Variants in GSN observed in about 807,000 individuals in gnomAD.
GSN encodes the protein gelsolin.
Under a neutral mutation model 85.7 loss-of-function variants are expected in GSN, and 56 were observed. That is an observed-to-expected ratio of 0.65 (90% CI 0.53 to 0.82). GSN has a LOEUF of 0.82. GSN is among the 40% of genes least tolerant of loss of function. The pLI, the probability that GSN is intolerant of heterozygous loss-of-function variation, is 0.00. For missense variants in GSN, 857 were observed against 979.8 expected (o/e 0.87, Z 1.67); for synonymous variants, 373 against 399.1 (o/e 0.93, Z 0.78).
At chr9:121,289,044 C>T (rs1352924021) in intron 2 of GSN, among the ~76,000 whole-genome samples, 2 of 152,204 alleles carry the variant, frequency 1.3e-5, no homozygotes, top group Non-Finnish European at 2.9e-5. Flanking sequence ...GGCAACTGGG[C>T]AGGCTCTTGG....
At chr9:121,246,086 A>G (rs2054693403) in intron 5 of GSN, among the ~76,000 whole-genome samples, 1 of 152,256 alleles carries the variant, frequency 6.6e-6, no homozygotes, top group Non-Finnish European at 1.5e-5. Flanking sequence ...AAGAAATAAT[A>G]TATCTAAGAT....
At chr9:121,319,733 A>G (rs1051447619) in intron 10 of GSN, among the ~76,000 whole-genome samples, 1 of 152,196 alleles carries the variant, frequency 6.6e-6, no homozygotes, top group African/African-American at 2.4e-5. Flanking sequence ...AAGAAAACTA[A>G]GAAAATGGAT....
intron 6 of GSN, among the ~76,000 whole-genome samples, chr9:121,256,386 G>A (rs2054960020): frequency 6.6e-6 from 1 of 152,132 alleles, no homozygotes; most frequent in Admixed American, 6.5e-5. Context: ...AGCAACATGG[G>A]TGGAACTGAA....
chr9:121,279,061 C>T (rs534890148), intron 1 of GSN, among the ~76,000 whole-genome samples: 176 of 152,212 alleles, frequency 1.2e-3, no homozygotes, highest in African/African-American at 3.8e-3. Context: ...TACATGGGAG[C>T]AATTGGGGAG....
At chr9:121,272,040 G>A (rs954745371) in intron 1 of GSN, among the ~76,000 whole-genome samples, 4 of 152,288 alleles carry the variant, frequency 2.6e-5, no homozygotes, top group Middle Eastern at 3.4e-3. Flanking sequence ...TGGGGAGGAA[G>A]GGAAAAAAAG....
chr9:121,231,595 C>T (rs935771779), intron 5 of GSN, among the ~76,000 whole-genome samples: 1 of 152,144 alleles, frequency 6.6e-6, no homozygotes, highest in Non-Finnish European at 1.5e-5. Context: ...GGTATCAGAA[C>T]TCCAGCCAAT....
At chr9:121,323,712 C>T (rs1054180056) in intron 11 of GSN, among the ~76,000 whole-genome samples, 1 of 152,142 alleles carries the variant, frequency 6.6e-6, no homozygotes, top group South Asian at 2.1e-4. Context: ...AACCCAGGAT[C>T]CCACATGGCA....
At chr9:121,221,502 CT>C (rs2054169506) in intron 4 of GSN, among the ~76,000 whole-genome samples, 1 of 152,194 alleles carries the variant, frequency 6.6e-6, no homozygotes, top group Admixed American at 6.5e-5. Context: ...CCATGTTTCT[CT>C]GGGACATGTT....
At position 121,261,959 on chromosome 9, in the gene GSN, C is replaced by T. The variant is rs1031986773; in HGVS notation, c.-340-3195C>T. ...CTGAGTACAAAAATAGCACCATCTCCAAGATTTTTTTGGTGTGGGTGTGTT... is the reference window on the plus strand; with the variant it reads ...CTGAGTACAAAAATAGCACCATCTCTAAGATTTTTTTGGTGTGGGTGTGTT... On this transcript the variant is annotated intron_variant, in intron 6 of 24. Transcript: ENST00000373823. The surrounding 1 kb of genome is among the most constrained non-coding windows in gnomAD (Gnocchi z 4.1). 2.6e-5 allele frequency among the ~76,000 whole-genome samples: 4 copies of T among 152,160 alleles called. No individual in the cohort carries two copies. The highest frequency in any genetic ancestry group is 9.7e-5 in the African/African-American group (4 of 41,422).
In GSN at chr9:121,310,783, G is replaced by A. The variant is rs1260779243; in HGVS notation, c.451G>A (p.Glu151Lys). The change falls in exon 5 of 18, where the codon GAG becomes AAG. Residue 151 changes from glutamate (E) to lysine (K), a missense_variant. Transcript: ENST00000432226. Reference protein sequence around the residue: ...VKGRRVVRATEVPVSWESFNN... With the variant: ...VKGRRVVRATKVPVSWESFNN... ...AGGGCGGCGTGTGGTCCGTGCCACC[G>A]AGGTACCTGTGTCCTGGGAGAGCTT... is the stretch of plus-strand genomic sequence containing the variant. 8 of 1,614,128 alleles carry A rather than the reference G, an allele frequency of 5.0e-6. No individual in the cohort carries two copies. The highest frequency in any genetic ancestry group is 5.9e-6 in the Non-Finnish European group (7 of 1,179,994).
At chr9:121,295,804 C>T (rs939935700) in intron 2 of GSN, among the ~76,000 whole-genome samples, 3 of 152,204 alleles carry the variant, frequency 2.0e-5, no homozygotes, top group South Asian at 2.1e-4. Context: ...CAGGAATAGC[C>T]GAGATCAGAG....
chr9:121,318,915 C>T lies in GSN; in HGVS notation c.1191+35C>T. On this transcript the variant is annotated intron_variant, in intron 10 of 17. Coordinates refer to ENST00000432226, the MANE Select transcript of GSN (RefSeq NM_198252.3). The surrounding 1 kb of genome is among the most constrained non-coding windows in gnomAD (Gnocchi z 4.3). ...GGGCGTGGGGTGGGTGTGTCCAGGC[C>T]CCTCCCTCACTTTCCCCATGCACTG... 6.6e-7 allele frequency: 1 copy of T among 1,521,378 alleles called. No homozygotes were observed. Among genetic ancestry groups the T allele is most frequent in the Non-Finnish European group, 9.1e-7 (1 of 1,096,594 alleles). 94.2% of individuals were successfully genotyped at this position (1,521,378 alleles called of 1,614,324 possible). A position where few individuals can be genotyped will look rare whatever the true frequency, so the allele number is the denominator to read the frequency against.
At chr9:121,220,969 T>C (rs2054158735) in intron 4 of GSN, among the ~76,000 whole-genome samples, 1 of 152,238 alleles carries the variant, frequency 6.6e-6, no homozygotes, top group African/African-American at 2.4e-5. Flanking sequence ...GTGATTCGTT[T>C]GTTGAAATGT....
chr9:121,266,821 G>T (rs1464899950), upstream of GSN, among the ~76,000 whole-genome samples: 1 of 152,176 alleles, frequency 6.6e-6, no homozygotes, highest in African/African-American at 2.4e-5. Flanking sequence ...TCAAGAAATG[G>T]TTCTTGTATT....
At chr9:121,255,904 A>G (rs534661652) in intron 6 of GSN, among the ~76,000 whole-genome samples, 1 of 152,278 alleles carries the variant, frequency 6.6e-6, no homozygotes, top group African/African-American at 2.4e-5. Context: ...TCTTGCATCA[A>G]TTTACACTCT....
chr9:121,310,578 TG>T, intron 4 of GSN, 105 bp from the exon 5 acceptor site: 1 of 1,032,976 alleles, frequency 9.7e-7, no homozygotes, highest in Non-Finnish European at 1.5e-6. Flanking sequence ...GGAAAGCCCC[TG>T]GTCCACAAGC....
At chr9:121,219,816 A>G (rs945141600) in intron 4 of GSN, among the ~76,000 whole-genome samples, 1 of 152,046 alleles carries the variant, frequency 6.6e-6, no homozygotes, top group African/African-American at 2.4e-5. Flanking sequence ...GTAGATGGAA[A>G]CTGCAAACCC....
At chr9:121,293,134 G>A (rs1382736494) in intron 2 of GSN, among the ~76,000 whole-genome samples, 1 of 152,206 alleles carries the variant, frequency 6.6e-6, no homozygotes, top group African/African-American at 2.4e-5. Context: ...TGTCCCCATC[G>A]GGAAGGTGGT....
chr9:121,324,795 A>T (rs1387230069), intron 12 of GSN, 151 bp downstream of exon 12: 1 of 670,154 alleles, frequency 1.5e-6, no homozygotes, highest in Non-Finnish European at 2.7e-6. Context: ...CCATCCATCC[A>T]TGGAACAGGT....
Sources: gnomAD v4.1 joint callset for allele counts (sites outside exome capture counted in the v4.1 genomes callset) on GRCh38, gnomAD v4.1.1 for gene constraint, Gnocchi (gnomAD v3.1) non-coding constraint, MANE v1.5 for transcripts, NCBI Gene and HGNC (gene_info 2026-07-23, HGNC 2026-07-21) for gene names.